Variants in CNOT6L observed in about 807,000 individuals in gnomAD.
CNOT6L encodes CCR4-NOT transcription complex subunit 6-like.
CNOT6L carries 7 observed loss-of-function variants against 64.0 expected under a neutral mutation model. The observed-to-expected ratio is 0.11, with a 90% CI of 0.06 to 0.21. The LOEUF is 0.21. Ranked by LOEUF, CNOT6L falls within the 10% of genes least tolerant of loss-of-function variation. The pLI is 1.00. For missense variants in CNOT6L, 245 were observed against 669.0 expected, an observed-to-expected ratio of 0.37 and a Z score of 6.99; for synonymous variants, 193 against 243.4, an observed-to-expected ratio of 0.79 and a Z score of 1.93.
chr4:77,734,790 ATCTAAT>A (rs1338254500), intron 8 of CNOT6L, among the ~76,000 whole-genome samples: 1 of 152,092 alleles, frequency 6.6e-6, no homozygotes, highest in Non-Finnish European at 1.5e-5. Context: ...TTTCTATTGG[ATCTAAT>A]TCTATTTTTC....
At chr4:77,798,432 A>T (rs1295853461) in intron 1 of CNOT6L, among the ~76,000 whole-genome samples, 2 of 152,138 alleles carry the variant, frequency 1.3e-5, no homozygotes, top group Admixed American at 6.5e-5. Context: ...ATTCAGTAAT[A>T]AAAAAAATTT....
intron 1 of CNOT6L, among the ~76,000 whole-genome samples, chr4:77,811,874 TAAAA>T (rs34864447): frequency 2.8e-5 from 4 of 140,934 alleles, no homozygotes; most frequent in Admixed American, 1.4e-4. Flanking sequence ...AGGAGCAGTT[TAAAA>T]AAAAAAAAAA....
At chr4:77,794,529 G>T (rs1212369884) in intron 1 of CNOT6L, among the ~76,000 whole-genome samples, 2 of 152,078 alleles carry the variant, frequency 1.3e-5, no homozygotes, top group East Asian at 1.9e-4. Flanking sequence ...GAATACACAT[G>T]ATCATCTCAA....
chr4:77,735,804 T>C (rs1355955637), intron 8 of CNOT6L, among the ~76,000 whole-genome samples: 1 of 152,326 alleles, frequency 6.6e-6, no homozygotes, highest in African/African-American at 2.4e-5. Flanking sequence ...TTAGTTAAAA[T>C]ATCCTCCTCA....
At position 77,743,586 on chromosome 4, in the gene CNOT6L, CTTTTTTTTTTTTTTT is replaced by C. The variant is rs142888128; in HGVS notation, c.717+1117_717+1131del. On this transcript the variant is annotated intron_variant, in intron 7 of 11. Coordinates refer to ENST00000504123, the MANE Select transcript of CNOT6L (RefSeq NM_144571.3). Reference sequence around the variant, plus strand: ...GAATGTGTGAAATTGTAACACACAACTTTTTTTTTTTTTTTTTTTTTTTTTTTTTTTTTGAGACAG... The same window carrying C: ...GAATGTGTGAAATTGTAACACACAACTTTTTTTTTTTTTTTTTTGAGACAG... Among the ~76,000 whole-genome samples, 81 of 70,882 alleles carry C rather than the reference CTTTTTTTTTTTTTTT, an allele frequency of 1.1e-3. 2 individuals carry two copies. The highest frequency in any genetic ancestry group is 0.016 in the Middle Eastern group (1 of 62). 46.5% of individuals were successfully genotyped at this position (70,882 alleles called of 152,430 possible). A position where few individuals can be genotyped will look rare whatever the true frequency, so the allele number is the denominator to read the frequency against.
chr4:77,791,233 G>A (rs1730113835), intron 1 of CNOT6L, among the ~76,000 whole-genome samples: 1 of 152,114 alleles, frequency 6.6e-6, no homozygotes, highest in Non-Finnish European at 1.5e-5. Flanking sequence ...CCAAGATCGC[G>A]CCACTGCACT....
At chr4:77,809,343 T>C (rs943287531) in intron 1 of CNOT6L, among the ~76,000 whole-genome samples, 2 of 152,202 alleles carry the variant, frequency 1.3e-5, no homozygotes, top group African/African-American at 4.8e-5. Flanking sequence ...CATTCCCTGG[T>C]AGAAAGATTA....
chr4:77,808,950 A>C (rs539819461), intron 1 of CNOT6L, among the ~76,000 whole-genome samples: 20 of 152,204 alleles, frequency 1.3e-4, no homozygotes, highest in Non-Finnish European at 2.5e-4. Flanking sequence ...GGGCACGTTA[A>C]TTAACTTCTT....
chr4:77,773,994 T>A (rs1288138677), intron 3 of CNOT6L, among the ~76,000 whole-genome samples: 1 of 152,142 alleles, frequency 6.6e-6, no homozygotes, highest in Non-Finnish European at 1.5e-5. Context: ...TAGCAATTTT[T>A]AAAAATTATT....
intron 1 of CNOT6L, among the ~76,000 whole-genome samples, chr4:77,812,437 C>CAAAAAAAAAAG (rs1553899952): frequency 2.4e-5 from 3 of 126,490 alleles, no homozygotes; most frequent in Non-Finnish European, 5.0e-5. Context: ...GACTCCATCT[C>CAAAAAAAAAAG]AAAAAAAAAA....
intron 1 of CNOT6L, among the ~76,000 whole-genome samples, chr4:77,805,056 T>C (rs969196686): frequency 9.9e-5 from 15 of 151,992 alleles, no homozygotes; most frequent in African/African-American, 3.6e-4. Flanking sequence ...CCCATGTATA[T>C]AGAGGGCCAA....
At chr4:77,758,073 C>G (rs1355534816) in intron 4 of CNOT6L, among the ~76,000 whole-genome samples, 2 of 152,090 alleles carry the variant, frequency 1.3e-5, no homozygotes, top group Admixed American at 6.6e-5. Flanking sequence ...TACTTCAATT[C>G]AATTACTGGT....
intron 1 of CNOT6L, chr4:77,818,959 A>T (rs1427804429): frequency 1.2e-5 from 8 of 650,830 alleles, no homozygotes; most frequent in South Asian, 1.1e-4. Flanking sequence ...CCGGCCCCCT[A>T]GGAGCAGCTC....
At chr4:77,775,589 T>C (rs973220502) in intron 2 of CNOT6L, among the ~76,000 whole-genome samples, 38 of 152,162 alleles carry the variant, frequency 2.5e-4, no homozygotes, top group African/African-American at 8.9e-4. Context: ...CTAATTAAAC[T>C]CTAGACTTTA....
intron 5 of CNOT6L, among the ~76,000 whole-genome samples, chr4:77,754,369 T>C (rs1360424261): frequency 2.0e-5 from 3 of 152,102 alleles, no homozygotes; most frequent in Admixed American, 6.5e-5. Flanking sequence ...ATAAATGTAA[T>C]ACAATATGGG....
intron 1 of CNOT6L, among the ~76,000 whole-genome samples, chr4:77,812,679 A>T (rs1190984392): frequency 2.0e-5 from 3 of 152,110 alleles, no homozygotes; most frequent in Non-Finnish European, 4.4e-5. Context: ...CTTAAAGACG[A>T]TCTAAATAAA....
chr4:77,811,719 C>G (rs1732962565), intron 1 of CNOT6L, among the ~76,000 whole-genome samples: 1 of 152,084 alleles, frequency 6.6e-6, no homozygotes, highest in Non-Finnish European at 1.5e-5. Flanking sequence ...TCCTAACACT[C>G]TCTCACAAAC....
intron 1 of CNOT6L, among the ~76,000 whole-genome samples, chr4:77,804,527 A>G (rs1731997522): frequency 1.3e-5 from 2 of 152,094 alleles, no homozygotes; most frequent in African/African-American, 4.8e-5. Context: ...CACATATTAT[A>G]TGATTCTACT....
chr4:77,771,038 C>T (rs1727482715), intron 4 of CNOT6L, among the ~76,000 whole-genome samples: 2 of 152,124 alleles, frequency 1.3e-5, no homozygotes, highest in South Asian at 4.1e-4. Context: ...GTAAATTATT[C>T]GCCCTGCACA....
Sources: allele counts gnomAD v4.1 joint callset (sites outside exome capture counted in the v4.1 genomes callset), GRCh38; gene constraint gnomAD v4.1.1; transcripts MANE v1.5; gene names NCBI Gene and HGNC (gene_info 2026-07-23, HGNC 2026-07-21).